STOX1: variants seen among roughly 807,000 people sequenced by gnomAD.
STOX1 encodes storkhead-box protein 1.
A neutral mutation model predicts 74.8 loss-of-function variants in STOX1; 57 were observed. The ratio of observed to expected loss-of-function variants is 0.76; its 90% CI spans 0.62 to 0.95. The LOEUF (loss-of-function observed/expected upper bound fraction) is 0.95, where lower values mean the gene tolerates loss of function less well. Ranked by LOEUF, STOX1 falls within the 40% of genes least tolerant of loss-of-function variation. The pLI, the probability that STOX1 is intolerant of heterozygous loss-of-function variation, is 0.00. For synonymous variants in STOX1, 375 were observed against 401.3 expected (o/e 0.93, Z 0.78); for missense variants, 1,010 against 1,117.0 (o/e 0.90, Z 1.37).
chr10:68,849,760 C>G (rs1839934409), intron 1 of STOX1, among the ~76,000 whole-genome samples: 2 of 152,130 alleles, frequency 1.3e-5, no homozygotes, highest in African/African-American at 4.8e-5. Context: ...CATCCTTGTT[C>G]TAGATTTTGA....
intron 1 of STOX1, among the ~76,000 whole-genome samples, chr10:68,857,248 TG>T (rs111478648): frequency 0.016 from 2,444 of 152,190 alleles, 103 homozygotes; most frequent in African/African-American, 0.056. Flanking sequence ...CCAGCCGTAG[TG>T]GTCAGACACT....
At position 68,886,450 on chromosome 10, in the gene STOX1, G is replaced by A. The variant is rs1195761111; in HGVS notation, c.2654G>A (p.Ser885Asn). The part of the protein sequence containing the change: ...GDTGKKPASW[S>N]QSPQNQEMRK... ...ACAGGAAAGAAGCCAGCTAGCTGGA[G>A]TCAGAGTCCTCAGAATCAGGAAATG... Residue 885 changes from serine (S) to asparagine (N), a missense_variant, in exon 3 of 4, where the codon AGT becomes AAT. Transcript: ENST00000298596. 6 of 1,614,080 alleles carry A rather than the reference G, an allele frequency of 3.7e-6. No individual in the cohort carries two copies. Among genetic ancestry groups the A allele is most frequent in the East Asian group, 2.2e-5 (1 of 44,898 alleles).
intron 1 of STOX1, among the ~76,000 whole-genome samples, chr10:68,868,224 A>C (rs1840456431): frequency 6.6e-6 from 1 of 152,252 alleles, no homozygotes; most frequent in South Asian, 2.1e-4. Flanking sequence ...CGGGGGGCTA[A>C]CAGCCTTCAG....
At chr10:68,831,396 A>G (rs913764108) in intron 1 of STOX1, among the ~76,000 whole-genome samples, 3 of 152,136 alleles carry the variant, frequency 2.0e-5, no homozygotes, top group African/African-American at 7.2e-5. Context: ...CATGTTGGGC[A>G]TGCTAGTTTC....
intron 1 of STOX1, among the ~76,000 whole-genome samples, chr10:68,829,283 T>C (rs949538541): frequency 6.6e-6 from 1 of 152,256 alleles, no homozygotes; most frequent in Non-Finnish European, 1.5e-5. Context: ...GAGACCAGCC[T>C]GGCTAACATG....
At chr10:68,845,563 C>G (rs531627853) in intron 1 of STOX1, among the ~76,000 whole-genome samples, 34 of 151,736 alleles carry the variant, frequency 2.2e-4, no homozygotes, top group African/African-American at 8.2e-4. Flanking sequence ...CATGAGCCAC[C>G]GCGCCCGGCA....
chr10:68,833,788 A>G (rs780689210), intron 1 of STOX1, among the ~76,000 whole-genome samples: 4 of 152,174 alleles, frequency 2.6e-5, no homozygotes, highest in Non-Finnish European at 4.4e-5. Flanking sequence ...TTTTCTGAGT[A>G]TAAAACATTA....
chr10:68,867,754 G>A (rs1315334345), intron 1 of STOX1, among the ~76,000 whole-genome samples: 1 of 152,212 alleles, frequency 6.6e-6, no homozygotes, highest in Non-Finnish European at 1.5e-5. Context: ...GACAGTTACA[G>A]GAATATCCTC....
At chr10:68,869,079 C>G (rs1149685) in intron 1 of STOX1, among the ~76,000 whole-genome samples, 198 of 152,336 alleles carry the variant, frequency 1.3e-3, no homozygotes, top group African/African-American at 4.6e-3. Flanking sequence ...GAGGAACAGT[C>G]TGGCTCTTCT....
At chr10:68,869,001 A>C (rs1589230029) in intron 1 of STOX1, among the ~76,000 whole-genome samples, 1 of 152,226 alleles carries the variant, frequency 6.6e-6, no homozygotes, top group Admixed American at 6.5e-5. Context: ...ATGTGAGCCC[A>C]GGTCTACCTG....
chr10:68,887,562 G>A (rs1032716989), intron 3 of STOX1, among the ~76,000 whole-genome samples: 4 of 149,992 alleles, frequency 2.7e-5, no homozygotes, highest in Non-Finnish European at 5.9e-5. Flanking sequence ...GATTACAGGC[G>A]TGAGCCACTG....
intron 1 of STOX1, among the ~76,000 whole-genome samples, chr10:68,881,334 C>G (rs1003594582): frequency 5.3e-5 from 8 of 152,222 alleles, no homozygotes; most frequent in Non-Finnish European, 1.2e-4. Context: ...ACCAGGATAA[C>G]TCTATCCATG....
At chr10:68,892,491 ATG>A in intron 3 of STOX1, 96 bp from the exon 4 acceptor site, 1 of 1,123,222 alleles carries the variant, frequency 8.9e-7, no homozygotes, top group African/African-American at 1.5e-5. Context: ...GTATTAGTAA[ATG>A]TACTACTTCA....
rs937726232 is a variant in STOX1, at chr10:68,838,058, C to CT, written c.310+10137dup. On this transcript the variant is annotated intron_variant, in intron 1 of 3. Coordinates refer to ENST00000298596, the MANE Select transcript of STOX1 (RefSeq NM_152709.5). ...CAATGGGATTGTTTTCATTTCGTTTCTTTTTTTTTTTTCTTTTTTCCTTTT... is the reference window on the plus strand; with the variant it reads ...CAATGGGATTGTTTTCATTTCGTTTCTTTTTTTTTTTTTCTTTTTTCCTTTT... 9.0e-3 allele frequency among the ~76,000 whole-genome samples: 1,304 copies of CT among 144,178 alleles called. 14 individuals carry two copies. The highest frequency in any genetic ancestry group is 0.029 in the African/African-American group (1,167 of 39,562). The allele number at this position is 144,178 out of a possible 152,430, so 94.6% of individuals were successfully genotyped here. A position where few individuals can be genotyped will look rare whatever the true frequency, so the allele number is the denominator to read the frequency against.
intron 1 of STOX1, chr10:68,828,969 C>G: frequency 1.0e-6 from 1 of 985,440 alleles, no homozygotes; most frequent in Non-Finnish European, 1.2e-6. Flanking sequence ...TGAGTGGTCT[C>G]TGACTCTGGG....
intron 1 of STOX1, among the ~76,000 whole-genome samples, chr10:68,877,002 C>T (rs894365143): frequency 1.3e-5 from 2 of 152,134 alleles, no homozygotes; most frequent in Non-Finnish European, 2.9e-5. Context: ...TAAGTGTTCC[C>T]GTGTCAGGGT....
At chr10:68,868,968 C>T (rs565635645) in intron 1 of STOX1, among the ~76,000 whole-genome samples, 131 of 152,304 alleles carry the variant, frequency 8.6e-4, no homozygotes, top group Non-Finnish European at 1.5e-3. Context: ...AGAGGGTACA[C>T]TGACAGTAAG....
chr10:68,889,650 G>C (rs1841051828), intron 3 of STOX1, among the ~76,000 whole-genome samples: 1 of 152,122 alleles, frequency 6.6e-6, no homozygotes, highest in African/African-American at 2.4e-5. Flanking sequence ...AGCAACCTCT[G>C]CTTCCTGGGT....
chr10:68,836,467 T>C (rs1011524219), intron 1 of STOX1, among the ~76,000 whole-genome samples: 1 of 152,226 alleles, frequency 6.6e-6, no homozygotes, highest in Admixed American at 6.5e-5. Context: ...ATTGCTTGCC[T>C]GACATATACT....
Sources: gnomAD v4.1 joint callset for allele counts (sites outside exome capture counted in the v4.1 genomes callset) on GRCh38, gnomAD v4.1.1 for gene constraint, MANE v1.5 for transcripts, NCBI Gene and HGNC (gene_info 2026-07-23, HGNC 2026-07-21) for gene names.